The following NALF1 variants were observed in gnomAD, a reference collection of about 807,000 sequenced individuals.
NALF1 encodes NALCN channel auxiliary factor 1.
A neutral mutation model predicts 48.4 loss-of-function variants in NALF1; 3 were observed. The observed-to-expected ratio is 0.06, with a 90% confidence interval of 0.03 to 0.16. NALF1 has a LOEUF of 0.16. Ranked by LOEUF, NALF1 falls within the 10% of genes least tolerant of loss-of-function variation. The probability of loss-of-function intolerance (pLI) is 1.00; values close to 1 mark genes in which losing one functional copy is unlikely to be tolerated. For missense variants in NALF1, 526 were observed against 571.5 expected (o/e 0.92, Z 0.81); for synonymous variants, 262 against 245.7 (o/e 1.07, Z -0.62).
chr13:107,544,181 T>G (rs564276693), intron 1 of NALF1, among the ~76,000 whole-genome samples: 6 of 152,286 alleles, frequency 3.9e-5, no homozygotes, highest in Admixed American at 1.3e-4. Flanking sequence ...TCATTCTAAA[T>G]AAGCTATCTC....
chr13:107,274,614 A>G (rs1881243472), intron 1 of NALF1, among the ~76,000 whole-genome samples: 1 of 152,214 alleles, frequency 6.6e-6, no homozygotes, highest in Non-Finnish European at 1.5e-5. Context: ...AAAGCAAAAC[A>G]AACAAAAGGT....
intron 1 of NALF1, among the ~76,000 whole-genome samples, chr13:107,452,962 C>T (rs1884767214): frequency 6.6e-6 from 1 of 152,224 alleles, no homozygotes; most frequent in South Asian, 2.1e-4. Context: ...GAAATAATCT[C>T]CTTTGACTCC....
At chr13:107,698,364 A>G (rs2138509652) in intron 1 of NALF1, among the ~76,000 whole-genome samples, 1 of 152,228 alleles carries the variant, frequency 6.6e-6, no homozygotes, top group East Asian at 1.9e-4. Flanking sequence ...TTACACATCC[A>G]AGAGCAATTC....
intron 1 of NALF1, among the ~76,000 whole-genome samples, chr13:107,429,366 T>C (rs908240977): frequency 6.6e-6 from 1 of 151,426 alleles, no homozygotes; most frequent in Non-Finnish European, 1.5e-5. Context: ...TAGTTCCATG[T>C]GTTTATTATG....
chr13:107,664,069 G>A (rs1350791765), intron 1 of NALF1, among the ~76,000 whole-genome samples: 1 of 152,008 alleles, frequency 6.6e-6, no homozygotes, highest in African/African-American at 2.4e-5. Context: ...GGCACCTCTG[G>A]TTAATATTTA....
chr13:107,250,619 T>C (rs1880679139), intron 1 of NALF1, among the ~76,000 whole-genome samples: 1 of 152,206 alleles, frequency 6.6e-6, no homozygotes, highest in African/African-American at 2.4e-5. Context: ...ATGCAAAATA[T>C]ATTCTTCATC....
Position 107,483,582 on chromosome 13 carries a change from A to C in NALF1, c.916-272827T>G, listed in dbSNP as rs190866985. ...TTTTGAGGAAGAGATCACTAGACAA[A>C]ATAGACTTCAGATTATTTTAGAATA... On this transcript the variant is annotated intron_variant, in intron 1 of 2. Coordinates refer to ENST00000375915, the MANE Select transcript of NALF1 (RefSeq NM_001080396.3). Among the ~76,000 whole-genome samples the C allele has an allele frequency of 1.6e-3, 251 of 152,202 alleles. 1 individual carries two copies. Among genetic ancestry groups the C allele is most frequent in the African/African-American group, 5.3e-3 (222 of 41,558 alleles).
intron 1 of NALF1, among the ~76,000 whole-genome samples, chr13:107,424,959 C>T (rs557992230): frequency 6.6e-6 from 1 of 152,272 alleles, no homozygotes; most frequent in Admixed American, 6.5e-5. Context: ...ATATATCATC[C>T]TTTCACTTGT....
At chr13:107,271,886 T>A (rs1428974425) in intron 1 of NALF1, among the ~76,000 whole-genome samples, 1 of 149,090 alleles carries the variant, frequency 6.7e-6, no homozygotes, top group East Asian at 2.0e-4. Context: ...AAACTATGCT[T>A]TGTCGAGGAA....
At chr13:107,850,793 C>T (rs1880290558) in intron 1 of NALF1, among the ~76,000 whole-genome samples, 1 of 151,950 alleles carries the variant, frequency 6.6e-6, no homozygotes, top group African/African-American at 2.4e-5. Context: ...ATCCCAGCTA[C>T]TTGGGAGGCT....
chr13:107,483,628 A>G (rs1885285973), intron 1 of NALF1, among the ~76,000 whole-genome samples: 1 of 152,096 alleles, frequency 6.6e-6, no homozygotes, highest in Admixed American at 6.6e-5. Context: ...CTTAAACTGT[A>G]TAATTTTGGT....
chr13:107,640,961 T>C (rs900825765), intron 1 of NALF1, among the ~76,000 whole-genome samples: 3 of 152,196 alleles, frequency 2.0e-5, no homozygotes, highest in Non-Finnish European at 4.4e-5. Context: ...GAAATCAGTA[T>C]GTCAGAGATG....
At chr13:107,235,202 T>C (rs572523466) in intron 1 of NALF1, among the ~76,000 whole-genome samples, 1 of 152,306 alleles carries the variant, frequency 6.6e-6, no homozygotes, top group African/African-American at 2.4e-5. Context: ...ATATTTATGA[T>C]CAGAATGCAC....
chr13:107,791,781 C>CG (rs1438001797), intron 1 of NALF1, among the ~76,000 whole-genome samples: 1 of 143,782 alleles, frequency 7.0e-6, no homozygotes, highest in Admixed American at 7.0e-5. Context: ...TGATCCCCGC[C>CG]CCCCCCCGTC....
intron 1 of NALF1, among the ~76,000 whole-genome samples, chr13:107,349,420 G>C (rs993787091): frequency 2.0e-5 from 3 of 152,084 alleles, no homozygotes; most frequent in African/African-American, 7.2e-5. Context: ...TTCTGTGGAA[G>C]GCACAATTAG....
intron 1 of NALF1, among the ~76,000 whole-genome samples, chr13:107,413,997 G>T (rs1197317354): frequency 6.6e-6 from 1 of 152,132 alleles, no homozygotes; most frequent in Non-Finnish European, 1.5e-5. Flanking sequence ...ATGTTGGCCA[G>T]GCTGGACTGG....
At chr13:107,323,751 T>G (rs1461714543) in intron 1 of NALF1, among the ~76,000 whole-genome samples, 1 of 152,228 alleles carries the variant, frequency 6.6e-6, no homozygotes, top group Non-Finnish European at 1.5e-5. Context: ...TCCATTGTGC[T>G]TGTCCCTGGT....
chr13:107,199,749 G>A (rs1879470880), intron 2 of NALF1, among the ~76,000 whole-genome samples: 2 of 152,084 alleles, frequency 1.3e-5, no homozygotes, highest in South Asian at 2.1e-4. Context: ...TGGGATACAA[G>A]GACAAAAAAC....
intron 1 of NALF1, among the ~76,000 whole-genome samples, chr13:107,457,452 C>T (rs1477548454): frequency 6.6e-6 from 1 of 152,138 alleles, no homozygotes; most frequent in African/African-American, 2.4e-5. Flanking sequence ...AAACACAGTG[C>T]AGAAAGCCAA....
Sources: allele counts gnomAD v4.1 joint callset (sites outside exome capture counted in the v4.1 genomes callset), GRCh38; gene constraint gnomAD v4.1.1; transcripts MANE v1.5; gene names NCBI Gene and HGNC (gene_info 2026-07-23, HGNC 2026-07-21).